Variants in GRIP1 observed in about 807,000 individuals in gnomAD.
GRIP1 encodes the protein glutamate receptor interacting protein 1.
A neutral mutation model predicts 129.9 loss-of-function variants in GRIP1; 45 were observed. The observed-to-expected ratio is 0.35, with a 90% CI of 0.27 to 0.44. The LOEUF (loss-of-function observed/expected upper bound fraction) is 0.44, where lower values mean the gene tolerates loss of function less well. Among genes scored for constraint, GRIP1 ranks in the 20% least tolerant of loss-of-function variants. GRIP1 has a pLI of 1.00. For missense variants in GRIP1, 1,196 were observed against 1,396.8 expected, an observed-to-expected ratio of 0.86 and a Z score of 2.29; for synonymous variants, 530 against 520.8, an observed-to-expected ratio of 1.02 and a Z score of -0.24.
At chr12:66,786,012 G>T (rs916335835) in intron 1 of GRIP1, among the ~76,000 whole-genome samples, 1 of 152,216 alleles carries the variant, frequency 6.6e-6, no homozygotes, top group Admixed American at 6.5e-5. Context: ...GAGCCCAGGA[G>T]ATGGAGGCTA....
chr12:66,752,890 A>T (rs187383414), intron 1 of GRIP1, among the ~76,000 whole-genome samples: 462 of 152,340 alleles, frequency 3.0e-3, no homozygotes, highest in African/African-American at 0.01. Context: ...TAATGCCTCA[A>T]ATAATAGAAT....
At chr12:66,834,577 T>G (rs755798263) in intron 1 of GRIP1, among the ~76,000 whole-genome samples, 1 of 151,474 alleles carries the variant, frequency 6.6e-6, no homozygotes, top group East Asian at 1.9e-4. Flanking sequence ...AAAGCCAATA[T>G]GTTATCATTT....
intron 1 of GRIP1, among the ~76,000 whole-genome samples, chr12:66,977,145 G>A (rs936654380): frequency 5.3e-5 from 8 of 150,844 alleles, no homozygotes; most frequent in African/African-American, 1.9e-4. Flanking sequence ...AATTATGAAA[G>A]TATATATATA....
intron 2 of GRIP1, among the ~76,000 whole-genome samples, chr12:66,576,177 G>C (rs2063133121): frequency 6.6e-6 from 1 of 152,158 alleles, no homozygotes. Flanking sequence ...CATATAGAAA[G>C]ATAATATACA....
intron 1 of GRIP1, among the ~76,000 whole-genome samples, chr12:67,060,824 C>CAAA (rs11300344): frequency 1.3e-4 from 14 of 104,744 alleles, no homozygotes; most frequent in South Asian, 3.4e-4. Flanking sequence ...AACTCCGTCT[C>CAAA]AAAAAAAAAA....
chr12:66,684,898 T>G (rs938352571), intron 1 of GRIP1, among the ~76,000 whole-genome samples: 5 of 151,978 alleles, frequency 3.3e-5, no homozygotes, highest in Non-Finnish European at 7.4e-5. Flanking sequence ...AAAACTACCT[T>G]CTCTCATCCT....
chr12:66,563,789 A>G (rs2062628038), intron 2 of GRIP1: 1 of 152,224 alleles, frequency 6.6e-6, no homozygotes, highest in South Asian at 2.1e-4. Context: ...ATAATTAAAT[A>G]CAATTGATTT....
At position 66,392,285 on chromosome 12, in the gene GRIP1, T is replaced by C. The variant is rs1420837385; in HGVS notation, c.2464+23A>G. ...TGGGCTTCAACAATGACAAGTCCTC[T>C]GGGGGACAAAGTAAAGACATACCTT... is the stretch of plus-strand genomic sequence containing the variant. On this transcript the variant is annotated intron_variant, in intron 19 of 24. Transcript: ENST00000359742. The C allele has an allele frequency of 2.1e-6, 3 of 1,398,870 alleles. No homozygotes were observed. In the East Asian group the frequency reaches 6.8e-5, roughly 32 times the overall value. 86.7% of individuals were successfully genotyped at this position (1,398,870 alleles called of 1,614,324 possible). A position where few individuals can be genotyped will look rare whatever the true frequency, so the allele number is the denominator to read the frequency against.
chr12:66,586,568 G>A lies in GRIP1; in HGVS notation c.136+10279C>T, dbSNP rs1414009732. On this transcript the variant is annotated intron_variant, in intron 2 of 24. Transcript: ENST00000359742. Reference sequence around the variant, plus strand: ...CTTCAAAATTTCTATCTCCACCTAAGCTCTCCTCTGAGTTCCCCACTCCCC... The same window carrying A: ...CTTCAAAATTTCTATCTCCACCTAAACTCTCCTCTGAGTTCCCCACTCCCC... Among the ~76,000 whole-genome samples the A allele has an allele frequency of 3.9e-5, 6 of 152,038 alleles. No homozygotes were observed. In the East Asian group the frequency reaches 9.7e-4, roughly 25 times the overall value.
At chr12:66,394,025 AG>A (rs1233414013) in intron 17 of GRIP1, among the ~76,000 whole-genome samples, 182 bp downstream of exon 17, 1 of 152,186 alleles carries the variant, frequency 6.6e-6, no homozygotes, top group African/African-American at 2.4e-5. Context: ...ACTGCCTGTA[AG>A]ATGCCCCTCA....
intron 1 of GRIP1, among the ~76,000 whole-genome samples, chr12:66,646,352 G>A (rs766024945): frequency 2.6e-5 from 4 of 152,178 alleles, no homozygotes; most frequent in Admixed American, 1.3e-4. Context: ...GGGCGAGAGC[G>A]GTGGCTCACG....
intron 1 of GRIP1, among the ~76,000 whole-genome samples, chr12:66,934,106 C>T (rs1422501853): frequency 2.6e-5 from 4 of 152,160 alleles, no homozygotes; most frequent in Non-Finnish European, 5.9e-5. Context: ...GAAAAGACCT[C>T]CAAGGTCTAC....
chr12:66,606,172 A>C (rs1170013964), intron 1 of GRIP1, among the ~76,000 whole-genome samples: 1 of 152,194 alleles, frequency 6.6e-6, no homozygotes, highest in Non-Finnish European at 1.5e-5. Flanking sequence ...AATTTTCATT[A>C]ATTTTTAAAA....
intron 1 of GRIP1, among the ~76,000 whole-genome samples, chr12:66,738,915 A>C (rs1369178903): frequency 6.6e-6 from 1 of 152,130 alleles, no homozygotes; most frequent in African/African-American, 2.4e-5. Flanking sequence ...CATCCTACCC[A>C]ATTCCTCCTT....
rs145604546 is a variant in GRIP1 at position 66,564,300 on chromosome 12, C to T, written c.137-22350G>A. Among the ~76,000 whole-genome samples, 641 of 131,948 alleles carry T rather than the reference C, an allele frequency of 4.9e-3. 11 individuals are homozygous for T. Among genetic ancestry groups the T allele is most frequent in the East Asian group, 0.033 (143 of 4,296 alleles). 86.6% of individuals were successfully genotyped at this position (131,948 alleles called of 152,430 possible). A position where few individuals can be genotyped will look rare whatever the true frequency, so the allele number is the denominator to read the frequency against. The stretch of plus-strand genomic sequence containing the variant: ...CCTCCCCCCACCCCACAACAGGCTC[C>T]GGTGTGTGATGTTCCCTACCCTGTG... On this transcript the variant is annotated intron_variant, in intron 2 of 24. Coordinates refer to ENST00000359742, the MANE Select transcript of GRIP1 (RefSeq NM_001366722.1).
Position 66,780,910 on chromosome 12 carries a change from T to C in GRIP1, c.-420+23143A>G, listed in dbSNP as rs138592987. On this transcript the variant is annotated intron_variant, in intron 1 of 4. Coordinates refer to the GRIP1 transcript ENST00000538373. ...ACTAGAATACCTGCATGTGCTAGAA[T>C]ACCTACAGTTGAGCTGAGGTTTCAG... Among the ~76,000 whole-genome samples, 348 of 152,258 alleles carry C rather than the reference T, an allele frequency of 2.3e-3. 1 individual carries two copies. Among genetic ancestry groups the C allele is most frequent in the African/African-American group, 5.7e-3 (235 of 41,562 alleles).
intron 1 of GRIP1, among the ~76,000 whole-genome samples, chr12:66,668,566 A>C (rs1458760277): frequency 6.6e-6 from 1 of 152,168 alleles, no homozygotes; most frequent in African/African-American, 2.4e-5. Flanking sequence ...GAAGGTATGG[A>C]ACACCCCTCT....
intron 1 of GRIP1, among the ~76,000 whole-genome samples, chr12:66,750,492 G>A (rs2037090527): frequency 6.6e-6 from 1 of 152,164 alleles, no homozygotes; most frequent in Non-Finnish European, 1.5e-5. Context: ...CAAGCCCCTG[G>A]CTACTTTAGT....
chr12:66,969,563 T>C (rs912375215), intron 1 of GRIP1, among the ~76,000 whole-genome samples: 2 of 152,022 alleles, frequency 1.3e-5, no homozygotes, highest in Admixed American at 6.6e-5. Flanking sequence ...ACCACGGGCA[T>C]ATGCCACCAC....
Sources: allele counts gnomAD v4.1 joint callset (sites outside exome capture counted in the v4.1 genomes callset), GRCh38; gene constraint gnomAD v4.1.1; transcripts MANE v1.5; gene names NCBI Gene and HGNC (gene_info 2026-07-23, HGNC 2026-07-21).